The following NFIA variants were observed in gnomAD, a reference collection of about 807,000 sequenced individuals.
The protein encoded by NFIA is nuclear factor I A, also known as nuclear factor 1 A-type.
A neutral mutation model predicts 62.8 loss-of-function variants in NFIA; 8 were observed. The observed-to-expected ratio is 0.13, with a 90% CI of 0.07 to 0.23. NFIA has a LOEUF of 0.23. Among genes scored for constraint, NFIA ranks in the 10% least tolerant of loss-of-function variants. The pLI is 1.00. For synonymous variants in NFIA, 235 were observed against 238.1 expected (o/e 0.99, Z 0.12); for missense variants, 410 against 642.1 (o/e 0.64, Z 3.91).
chr1:61,455,217 C>A, intron 10 of NFIA, 86 bp from the exon 11 acceptor site: 1 of 1,423,776 alleles, frequency 7.0e-7, no homozygotes, highest in East Asian at 2.3e-5. Context: ...AACGTAGATC[C>A]TGATTTCGTG....
intron 9 of NFIA, among the ~76,000 whole-genome samples, chr1:61,424,787 A>T (rs1216270441): frequency 2.0e-5 from 3 of 152,194 alleles, no homozygotes; most frequent in Non-Finnish European, 4.4e-5. Flanking sequence ...AGCATATCAA[A>T]GTAAAGCCAT....
intron 4 of NFIA, among the ~76,000 whole-genome samples, chr1:61,350,570 A>C (rs1662493712): frequency 6.6e-6 from 1 of 152,126 alleles, no homozygotes; most frequent in African/African-American, 2.4e-5. Context: ...CAGGAGCTGG[A>C]GGCTACAGTA....
At chr1:61,164,182 T>C (rs555903253) in intron 2 of NFIA, among the ~76,000 whole-genome samples, 7 of 152,242 alleles carry the variant, frequency 4.6e-5, no homozygotes, top group South Asian at 4.2e-4. Context: ...TTAGACACTT[T>C]CCATTTTTCT....
At chr1:61,248,335 G>A (rs913131098) in intron 2 of NFIA, among the ~76,000 whole-genome samples, 10 of 152,120 alleles carry the variant, frequency 6.6e-5, no homozygotes, top group African/African-American at 2.2e-4. Flanking sequence ...GATGGATTTC[G>A]TAAAAATGCA....
chr1:61,426,955 T>C (rs1355010732), intron 10 of NFIA, among the ~76,000 whole-genome samples: 1 of 152,164 alleles, frequency 6.6e-6, no homozygotes, highest in Non-Finnish European at 1.5e-5. Context: ...GCCACTCCTC[T>C]GTATTCATTA....
At chr1:61,362,991 C>T (rs542103715) in intron 6 of NFIA, among the ~76,000 whole-genome samples, 1 of 152,306 alleles carries the variant, frequency 6.6e-6, no homozygotes, top group East Asian at 1.9e-4. Flanking sequence ...GTCAGACACT[C>T]ATGTTGCTTT....
chr1:61,359,073 T>C, intron 5 of NFIA, 74 bp from the exon 6 acceptor site: 5 of 1,566,202 alleles, frequency 3.2e-6, no homozygotes, highest in Non-Finnish European at 4.3e-6. Flanking sequence ...TGGCTTTCTT[T>C]CAACCAGAGG....
intron 2 of NFIA, among the ~76,000 whole-genome samples, chr1:61,131,003 C>T (rs895664449): frequency 6.6e-6 from 1 of 152,108 alleles, no homozygotes; most frequent in African/African-American, 2.4e-5. Flanking sequence ...TTCCTTGTTC[C>T]TAATTTCACA....
At chr1:61,218,926 A>C (rs1419629389) in intron 2 of NFIA, among the ~76,000 whole-genome samples, 2 of 152,242 alleles carry the variant, frequency 1.3e-5, no homozygotes, top group Non-Finnish European at 2.9e-5. Flanking sequence ...AAACAAAACT[A>C]AGTGATAAGA....
intron 2 of NFIA, among the ~76,000 whole-genome samples, chr1:61,166,137 T>C (rs529409970): frequency 3.3e-5 from 5 of 152,342 alleles, no homozygotes; most frequent in African/African-American, 1.2e-4. Context: ...TTGCTTTGTT[T>C]TAATAGGGGA....
chr1:61,163,881 A>G (rs1042469339), intron 2 of NFIA, among the ~76,000 whole-genome samples: 17 of 152,230 alleles, frequency 1.1e-4, no homozygotes, highest in African/African-American at 4.1e-4. Context: ...TTGAAAGGCC[A>G]TGAGTCCCAG....
chr1:61,328,430 A>T lies in NFIA; in HGVS notation c.626-4082A>T, dbSNP rs199989938. 2.0e-3 allele frequency among the ~76,000 whole-genome samples: 304 copies of T among 150,648 alleles called. 1 individual carries two copies. Among genetic ancestry groups the T allele is most frequent in the South Asian group, 8.6e-3 (41 of 4,780 alleles). Reference sequence around the variant, plus strand: ...CATATCATTTATTTTATATATATATATTTTTTTCGAGACGGAATTTCGCTC... The same window carrying T: ...CATATCATTTATTTTATATATATATTTTTTTTTCGAGACGGAATTTCGCTC... On this transcript the variant is annotated intron_variant, in intron 3 of 10. Coordinates refer to ENST00000403491, the MANE Select transcript of NFIA (RefSeq NM_001134673.4).
In NFIA at chr1:61,130,534, T is replaced by C. The variant is rs565113839; in HGVS notation, c.559+41854T>C. Among the ~76,000 whole-genome samples, 5 of 152,350 alleles carry C rather than the reference T, an allele frequency of 3.3e-5. No homozygotes were observed. The South Asian group carries it at 1.0e-3, about 32-fold the overall frequency. On this transcript the variant is annotated intron_variant, in intron 2 of 10. Transcript: ENST00000403491. ...GGACAAAACATGCATCAGTGATGCATAACATTTTTGTTAATTGGGTCTTAA... is the reference window on the plus strand; with the variant it reads ...GGACAAAACATGCATCAGTGATGCACAACATTTTTGTTAATTGGGTCTTAA...
chr1:61,339,225 G>A (rs866988073), intron 4 of NFIA, among the ~76,000 whole-genome samples: 2 of 152,074 alleles, frequency 1.3e-5, no homozygotes, highest in African/African-American at 2.4e-5. Flanking sequence ...TAAAATGAAC[G>A]TCACACATTT....
At chr1:61,343,414 T>C (rs6696260) in intron 4 of NFIA, among the ~76,000 whole-genome samples, 50,939 of 152,088 alleles carry the variant, frequency 0.33, 8,744 homozygotes, top group African/African-American at 0.38. Flanking sequence ...TCCGCCACCA[T>C]GTATATATTC....
chr1:61,283,581 C>CAAAAAAAAAAAAAAAAAAAAAAAA (rs576613886), intron 3 of NFIA, among the ~76,000 whole-genome samples: 12 of 36,692 alleles, frequency 3.3e-4, no homozygotes, highest in Middle Eastern at 0.021. Flanking sequence ...GACTCTGTCT[C>CAAAAAAAAAAAAAAAAAAAAAAAA]AAAAAAAAAA....
At chr1:61,177,653 T>TTGTGTGTG (rs56299869) in intron 2 of NFIA, among the ~76,000 whole-genome samples, 2,317 of 146,142 alleles carry the variant, frequency 0.016, 45 homozygotes, top group East Asian at 0.069. Context: ...GTTTTCTCTA[T>TTGTGTGTG]TGTGTGTGTG....
intron 7 of NFIA, among the ~76,000 whole-genome samples, chr1:61,394,700 T>C (rs1665177193): frequency 1.3e-5 from 2 of 152,188 alleles, no homozygotes; most frequent in African/African-American, 4.8e-5. Context: ...ATCACTAGAC[T>C]GATTATTCTG....
intron 10 of NFIA, among the ~76,000 whole-genome samples, chr1:61,453,781 G>A (rs1557452177): frequency 6.6e-6 from 1 of 152,132 alleles, no homozygotes; most frequent in Non-Finnish European, 1.5e-5. Flanking sequence ...AACACAGTTT[G>A]GGGTTTGCTT....
Sources: allele counts gnomAD v4.1 joint callset (sites outside exome capture counted in the v4.1 genomes callset), GRCh38; gene constraint gnomAD v4.1.1; transcripts MANE v1.5; gene names NCBI Gene and HGNC (gene_info 2026-07-23, HGNC 2026-07-21).